The following FOXP2 variants were observed in gnomAD, a reference collection of about 807,000 sequenced individuals.
FOXP2 encodes forkhead box P2.
FOXP2 carries 12 observed loss-of-function variants against 115.8 expected under a neutral mutation model. That is an observed-to-expected ratio of 0.10 (90% CI 0.07 to 0.17). The LOEUF is 0.17. FOXP2 is among the 10% of genes least tolerant of loss of function. The pLI is 1.00. For synonymous variants in FOXP2, 328 were observed against 297.7 expected (o/e 1.10, Z -1.05); for missense variants, 629 against 843.5 (o/e 0.75, Z 3.15).
intron 1 of FOXP2, among the ~76,000 whole-genome samples, chr7:114,282,194 T>C (rs879274505): frequency 2.0e-5 from 3 of 152,224 alleles, no homozygotes; most frequent in Non-Finnish European, 2.9e-5. Flanking sequence ...TATATATGTT[T>C]AGATCTGCGT....
At position 114,314,251 on chromosome 7, in the gene FOXP2, ATTG is replaced by A. The variant is rs551963006; in HGVS notation, c.-11+26145_-11+26147del. On this transcript the variant is annotated intron_variant, in intron 2 of 17. Transcript: ENST00000634411. ...ATAATATGATAATTTATATTATTTT[ATTG>A]TTATGTTTTATATATAATATATATA... is the stretch of plus-strand genomic sequence containing the variant. 2.7e-3 allele frequency among the ~76,000 whole-genome samples: 401 copies of A among 149,024 alleles called. 1 individual carries two copies. The highest frequency in any genetic ancestry group is 9.5e-3 in the African/African-American group (387 of 40,920).
intron 2 of FOXP2, among the ~76,000 whole-genome samples, chr7:114,387,557 G>A (rs1437612225): frequency 6.6e-6 from 1 of 152,088 alleles, no homozygotes; most frequent in South Asian, 2.1e-4. Flanking sequence ...CCAAATAAGT[G>A]TATGCTTTTT....
chr7:114,202,703 A>G (rs1794098060), intron 1 of FOXP2, among the ~76,000 whole-genome samples: 1 of 152,228 alleles, frequency 6.6e-6, no homozygotes, highest in African/African-American at 2.4e-5. Context: ...TAAGAGGTCA[A>G]GTTACTTAAT....
At chr7:114,426,429 A>G in intron 1 of FOXP2, 73 bp from the exon 2 acceptor site, 1 of 1,403,396 alleles carries the variant, frequency 7.1e-7, no homozygotes, top group Non-Finnish European at 1.0e-6. Flanking sequence ...TGTAATTGGC[A>G]GAGAGGGACA....
At chr7:114,096,276 C>T (rs1046897026) in intron 1 of FOXP2, among the ~76,000 whole-genome samples, 2 of 152,174 alleles carry the variant, frequency 1.3e-5, no homozygotes, top group Admixed American at 6.5e-5. Flanking sequence ...TTAAATGTTA[C>T]AAAGAATGTT....
chr7:114,208,197 G>T (rs1039208284), intron 1 of FOXP2, among the ~76,000 whole-genome samples: 7 of 152,184 alleles, frequency 4.6e-5, no homozygotes, highest in Non-Finnish European at 7.3e-5. Flanking sequence ...CCAAGACCAT[G>T]GGAACCCACC....
intron 2 of FOXP2, among the ~76,000 whole-genome samples, chr7:114,381,462 G>A (rs991716643): frequency 4.6e-5 from 7 of 152,206 alleles, no homozygotes; most frequent in Non-Finnish European, 1.0e-4. Flanking sequence ...TGGCCAAATA[G>A]ATGGGGGCTA....
At chr7:114,663,129 A>T (rs2129342356) in intron 14 of FOXP2, among the ~76,000 whole-genome samples, 1 of 152,230 alleles carries the variant, frequency 6.6e-6, no homozygotes, top group East Asian at 1.9e-4. Flanking sequence ...CATTTTAAAA[A>T]TTTTGTATGA....
At chr7:114,385,940 G>T (rs1030059054) in intron 2 of FOXP2, among the ~76,000 whole-genome samples, 1 of 152,186 alleles carries the variant, frequency 6.6e-6, no homozygotes, top group Admixed American at 6.5e-5. Context: ...TGCAGTGAGT[G>T]TTATAGCTCT....
At chr7:114,120,451 A>G (rs374484129) in intron 1 of FOXP2, among the ~76,000 whole-genome samples, 7 of 152,118 alleles carry the variant, frequency 4.6e-5, no homozygotes, top group African/African-American at 1.7e-4. Flanking sequence ...ATCAAATCAA[A>G]GTTTTGAAAA....
At chr7:114,532,648 A>T (rs1029882054) in intron 2 of FOXP2, among the ~76,000 whole-genome samples, 4 of 151,894 alleles carry the variant, frequency 2.6e-5, no homozygotes, top group Non-Finnish European at 5.9e-5. Context: ...GTCATTCATG[A>T]TTCTAAGATC....
chr7:114,435,892 T>C (rs540685316), intron 2 of FOXP2, among the ~76,000 whole-genome samples: 9 of 152,286 alleles, frequency 5.9e-5, no homozygotes, highest in Non-Finnish European at 1.2e-4. Context: ...TAAAGATTTT[T>C]TTTAGTGGAA....
At chr7:114,378,684 C>CAAAAAAAAAAAAAA (rs398005920) in intron 2 of FOXP2, among the ~76,000 whole-genome samples, 699 of 17,846 alleles carry the variant, frequency 0.039, 91 homozygotes, top group Non-Finnish European at 0.049. Flanking sequence ...ACCCTGTCTC[C>CAAAAAAAAAAAAAA]AAAAAAAAAA....
At chr7:114,670,219 A>G (rs914653305) in intron 16 of FOXP2, among the ~76,000 whole-genome samples, 5 of 152,046 alleles carry the variant, frequency 3.3e-5, no homozygotes, top group African/African-American at 9.6e-5. Context: ...CTTGAAAGTT[A>G]AAAATCTTTT....
intron 1 of FOXP2, among the ~76,000 whole-genome samples, chr7:114,425,385 T>C (rs1385083845): frequency 6.6e-6 from 1 of 151,518 alleles, no homozygotes; most frequent in Non-Finnish European, 1.5e-5. Context: ...ATCCATTAGG[T>C]TATGGCACAG....
chr7:114,380,279 G>A (rs185822432), intron 2 of FOXP2, among the ~76,000 whole-genome samples: 1 of 152,172 alleles, frequency 6.6e-6, no homozygotes, highest in African/African-American at 2.4e-5. Context: ...GGGCATGGAG[G>A]ACTAGGTAAG....
chr7:114,548,911 A>C (rs1162877278), intron 3 of FOXP2, among the ~76,000 whole-genome samples: 1 of 152,230 alleles, frequency 6.6e-6, no homozygotes, highest in Non-Finnish European at 1.5e-5. Context: ...AATTTTAAAC[A>C]AGTTCAGAGC....
intron 1 of FOXP2, among the ~76,000 whole-genome samples, chr7:114,149,601 CA>C (rs1792476268): frequency 6.6e-6 from 1 of 151,584 alleles, no homozygotes; most frequent in African/African-American, 2.4e-5. Context: ...CCCCATTTAA[CA>C]TTTTTTTTTT....
intron 2 of FOXP2, among the ~76,000 whole-genome samples, chr7:114,499,980 C>T (rs1022341265): frequency 6.6e-6 from 1 of 151,930 alleles, no homozygotes; most frequent in Admixed American, 6.6e-5. Flanking sequence ...CTTTGGGAGG[C>T]CGAGGTGGGT....
Sources: gnomAD v4.1 joint callset for allele counts (sites outside exome capture counted in the v4.1 genomes callset) on GRCh38, gnomAD v4.1.1 for gene constraint, MANE v1.5 for transcripts, NCBI Gene and HGNC (gene_info 2026-07-23, HGNC 2026-07-21) for gene names.